Variants in KLHL40 observed in about 807,000 individuals in gnomAD.
The protein encoded by KLHL40 is kelch-like protein 40.
A neutral mutation model predicts 49.7 loss-of-function variants in KLHL40; 44 were observed. That is an observed-to-expected ratio of 0.89 (90% confidence interval 0.70 to 1.14). KLHL40 has a LOEUF of 1.14. KLHL40 is among the 50% of genes most tolerant of loss of function. The pLI, the probability that KLHL40 is intolerant of heterozygous loss-of-function variation, is 0.00. For missense variants in KLHL40, 892 were observed against 850.3 expected (o/e 1.05, Z -0.61); for synonymous variants, 409 against 365.2 (o/e 1.12, Z -1.37).
chr3:42,691,150 C>A, intron 5 of KLHL40, 145 bp downstream of exon 5: 1 of 787,642 alleles, frequency 1.3e-6, no homozygotes, highest in Non-Finnish European at 1.9e-6. Flanking sequence ...GGAGGAATAG[C>A]CAACATACCC....
At chr3:42,691,804 AC>A in intron 5 of KLHL40, 77 bp from the exon 6 acceptor site, 1 of 889,796 alleles carries the variant, frequency 1.1e-6, no homozygotes. Flanking sequence ...GCCCTCAGCC[AC>A]CCCTCTCTGC....
rs1161520996 is a variant in KLHL40 at position 42,685,826 on chromosome 3, G to A, written c.208G>A (p.Gly70Ser). The part of the protein sequence containing the change: ...ARFLAEPERA[G>S]ELHLEEVSPD... The stretch of plus-strand genomic sequence containing the variant: ...CTTTCTAGCCGAGCCGGAGCGCGCG[G>A]GCGAGCTGCACCTGGAGGAGGTGTC... The change falls in exon 1 of 6, where the codon GGC becomes AGC. Residue 70 changes from glycine (G) to serine (S), a missense_variant. Transcript: ENST00000287777. 1 of 1,613,094 alleles carries A rather than the reference G, an allele frequency of 6.2e-7. No individual in the cohort carries two copies. The highest frequency in any genetic ancestry group is 8.5e-7 in the Non-Finnish European group (1 of 1,179,852).
At position 42,688,827 on chromosome 3, in the gene KLHL40, G is replaced by C. The variant is rs763265840; in HGVS notation, c.1422-42G>C. ...GGTGATTGCAGGGAGGCGTGGCTGG[G>C]CTCCTGCTTCTCTCCACCCATCCCC... On this transcript the variant is annotated intron_variant, in intron 3 of 5. Coordinates refer to ENST00000287777, the MANE Select transcript of KLHL40 (RefSeq NM_152393.4). The surrounding 1 kb of genome is among the most constrained non-coding windows in gnomAD (Gnocchi z 4.2). 1 of 1,600,392 alleles carries C rather than the reference G, an allele frequency of 6.2e-7. No individual in the cohort carries two copies. Among genetic ancestry groups the C allele is most frequent in the African/African-American group, 1.3e-5 (1 of 74,614 alleles).
At chr3:42,689,993 C>G (rs1290627805) in intron 4 of KLHL40, among the ~76,000 whole-genome samples, 1 of 152,036 alleles carries the variant, frequency 6.6e-6, no homozygotes, top group Non-Finnish European at 1.5e-5. Context: ...GGGAGAAGTA[C>G]ATGCTTCTGA....
intron 1 of KLHL40, among the ~76,000 whole-genome samples, chr3:42,687,916 C>G (rs138768878): frequency 2.6e-5 from 4 of 152,066 alleles, no homozygotes; most frequent in African/African-American, 4.8e-5. Flanking sequence ...GGTGCCCTAC[C>G]GCCTGCTATA....
At position 42,686,370 on chromosome 3, in the gene KLHL40, T is replaced by G. The variant is rs928500134; in HGVS notation, c.752T>G (p.Leu251Arg). Residue 251 changes from leucine (L) to arginine (R), a missense_variant, in exon 1 of 6, where the codon CTG becomes CGG. Coordinates refer to ENST00000287777, the MANE Select transcript of KLHL40 (RefSeq NM_152393.4). ...HPLVRAQPELLRKVQMVKDAH... is the reference protein window; with the variant it reads ...HPLVRAQPELRRKVQMVKDAH... ...CTCGTGCGTGCCCAGCCCGAGTTGC[T>G]GCGCAAGGTGCAGATGGTGAAGGAT... 1 of 1,613,258 alleles carries G rather than the reference T, an allele frequency of 6.2e-7. No individual in the cohort carries two copies. Among genetic ancestry groups the G allele is most frequent in the Non-Finnish European group, 8.5e-7 (1 of 1,179,922 alleles).
intron 5 of KLHL40, 102 bp downstream of exon 5, chr3:42,691,107 C>A: frequency 8.4e-7 from 1 of 1,194,742 alleles, no homozygotes; most frequent in Non-Finnish European, 1.2e-6. Context: ...CCTCTGGGGG[C>A]AAAGCGGATC....
In KLHL40 at chr3:42,685,728, T is replaced by TGCGG. The variant is rs1448064057; in HGVS notation, c.118_121dup (p.Glu41GlyfsTer59). On this transcript the variant is annotated frameshift_variant, in exon 1 of 6. Coordinates refer to ENST00000287777, the MANE Select transcript of KLHL40 (RefSeq NM_152393.4). LOFTEE classifies it high-confidence loss of function. ...CATGGCAAGTTCCTCGACTGTGTGG[T>TGCGG]GCGGGCGGGCGAGCGCGAGTTCCCG... The TGCGG allele has an allele frequency of 1.2e-6, 2 of 1,612,976 alleles. No homozygotes were observed. Among genetic ancestry groups the TGCGG allele is most frequent in the South Asian group, 1.1e-5 (1 of 91,078 alleles).
Position 42,692,134 on chromosome 3 carries a change from C to A in KLHL40, c.*141C>A, listed in dbSNP as rs777105581. The A allele has an allele frequency of 7.9e-6, 5 of 631,502 alleles. No individual in the cohort carries two copies. Among genetic ancestry groups the A allele is most frequent in the Non-Finnish European group, 1.4e-5 (5 of 346,620 alleles). 39.1% of individuals were successfully genotyped at this position (631,502 alleles called of 1,614,324 possible). A position where few individuals can be genotyped will look rare whatever the true frequency, so the allele number is the denominator to read the frequency against. On this transcript the variant is annotated 3_prime_UTR_variant, in exon 6 of 6. Transcript: ENST00000287777. ...TATGGTGCCTCAGGGGCTGCGTCAGCCAAGGAAAGGGAAGTGCTGCTTAGT... is the reference window on the plus strand; with the variant it reads ...TATGGTGCCTCAGGGGCTGCGTCAGACAAGGAAAGGGAAGTGCTGCTTAGT...
At chr3:42,690,227 C>A (rs1697341429) in intron 4 of KLHL40, among the ~76,000 whole-genome samples, 1 of 152,036 alleles carries the variant, frequency 6.6e-6, no homozygotes. Context: ...AGGTCCAAGC[C>A]CTGATGGTGG....
In KLHL40 at chr3:42,692,500, T is replaced by C. The variant is rs1451292157; in HGVS notation, c.*507T>C. 1.7e-6 allele frequency: 1 copy of C among 574,612 alleles called. No individual in the cohort carries two copies. The highest frequency in any genetic ancestry group is 2.2e-5 in the South Asian group (1 of 45,286). The allele number at this position is 574,612 out of a possible 1,614,324, so 35.6% of individuals were successfully genotyped here. On this transcript the variant is annotated 3_prime_UTR_variant, in exon 6 of 6. Transcript: ENST00000287777. ...AAGACTTGGGGCTTCAGTGTTCTGC[T>C]GTTGGGCTGCCAAGGTCGATGGTCT...
At position 42,685,797 on chromosome 3, in the gene KLHL40, C is replaced by G. The variant is rs756736620; in HGVS notation, c.179C>G (p.Ala60Gly). The G allele has an allele frequency of 6.2e-7, 1 of 1,612,086 alleles. No individual in the cohort carries two copies. Among genetic ancestry groups the G allele is most frequent in the African/African-American group, 1.3e-5 (1 of 74,856 alleles). The change falls in exon 1 of 6, where the codon GCG (alanine) becomes GGG (glycine). Residue 60 changes from alanine (A) to glycine (G), a missense_variant. Transcript: ENST00000287777. ...VLAACSPYFR[A>G]RFLAEPERAG... ...GCCGCCTGCAGCCCCTACTTCCGGG[C>G]GCGCTTTCTAGCCGAGCCGGAGCGC...
intron 5 of KLHL40, among the ~76,000 whole-genome samples, chr3:42,691,424 C>A (rs1403034804): frequency 6.6e-6 from 1 of 152,066 alleles, no homozygotes; most frequent in African/African-American, 2.4e-5. Context: ...ATGGCTGGTC[C>A]TTTGTGGGGG....
chr3:42,690,369 C>T (rs1697343073), intron 4 of KLHL40, among the ~76,000 whole-genome samples: 1 of 152,172 alleles, frequency 6.6e-6, no homozygotes. Context: ...TCAGGAAGGT[C>T]AGTTTTGGAG....
At chr3:42,691,510 C>T (rs1697367721) in intron 5 of KLHL40, among the ~76,000 whole-genome samples, 5 of 152,132 alleles carry the variant, frequency 3.3e-5, no homozygotes, top group Admixed American at 3.3e-4. Flanking sequence ...CAGGCAGCCC[C>T]TGGGGAGCAG....
intron 4 of KLHL40, among the ~76,000 whole-genome samples, chr3:42,689,603 T>G (rs989953898): frequency 6.6e-6 from 1 of 151,812 alleles, no homozygotes; most frequent in African/African-American, 2.4e-5. Flanking sequence ...AGGGACTGTA[T>G]CTCATCTGTG....
chr3:42,691,073 G>T (rs751022751), intron 5 of KLHL40, 68 bp downstream of exon 5: 15 of 1,494,426 alleles, frequency 1.0e-5, no homozygotes, highest in Non-Finnish European at 1.3e-5. Context: ...CACCATGGTG[G>T]GGTACCAAGG....
chr3:42,688,119 C>T lies in KLHL40; in HGVS notation c.1153-23C>T, dbSNP rs772738032. 31 of 1,613,488 alleles carry T rather than the reference C, an allele frequency of 1.9e-5. No homozygotes were observed. The highest frequency in any genetic ancestry group is 1.3e-4 in the East Asian group (6 of 44,876). ...AGGCTGGGGGAGTGGGGGGCGGTAGCTGACTGGACACCTGGCCTGCAGTTT... is the reference window on the plus strand; with the variant it reads ...AGGCTGGGGGAGTGGGGGGCGGTAGTTGACTGGACACCTGGCCTGCAGTTT... On this transcript the variant is annotated intron_variant, in intron 1 of 5. Transcript: ENST00000287777. This position sits in a 1 kb window ranked among gnomAD's most constrained non-coding sequence, Gnocchi z 4.2.
At position 42,686,084 on chromosome 3, in the gene KLHL40, A is replaced by C. The variant is rs752354484; in HGVS notation, c.466A>C (p.Ile156Leu). The change falls in exon 1 of 6, where the codon ATC (isoleucine) becomes CTC (leucine). Residue 156 changes from isoleucine to leucine, a missense_variant. Physicochemically the swap from Ile to Leu is conservative, Grantham distance 5 (BLOSUM62 2). Coordinates refer to ENST00000287777, the MANE Select transcript of KLHL40 (RefSeq NM_152393.4). ...ARLAVAARDF[I>L]CAHFTLVARD... ...TCTCGCCGTGGCTGCCCGCGACTTC[A>C]TCTGCGCTCACTTCACGCTGGTGGC... The C allele has an allele frequency of 6.2e-7, 1 of 1,602,626 alleles. No individual in the cohort carries two copies. Among genetic ancestry groups the C allele is most frequent in the African/African-American group, 1.3e-5 (1 of 74,886 alleles).
Sources: gnomAD v4.1 joint callset for allele counts (sites outside exome capture counted in the v4.1 genomes callset) on GRCh38, gnomAD v4.1.1 for gene constraint, Gnocchi (gnomAD v3.1) non-coding constraint, MANE v1.5 for transcripts, NCBI Gene and HGNC (gene_info 2026-07-23, HGNC 2026-07-21) for gene names.